Variants in PRKN observed in about 807,000 individuals in gnomAD.
The protein encoded by PRKN is E3 ubiquitin-protein ligase parkin.
In PRKN, 56 loss-of-function variants were observed where a neutral mutation model predicts 59.5. The ratio of observed to expected loss-of-function variants is 0.94; its 90% CI spans 0.76 to 1.18. PRKN has a LOEUF of 1.18. Among genes scored for constraint, PRKN ranks in the 50% most tolerant of loss-of-function variants. The pLI is 0.00. For synonymous variants in PRKN, 250 were observed against 222.1 expected, an observed-to-expected ratio of 1.13 and a Z score of -1.12; for missense variants, 657 against 596.4, an observed-to-expected ratio of 1.10 and a Z score of -1.06.
At chr6:162,599,094 T>C (rs980680661) in intron 1 of PRKN, among the ~76,000 whole-genome samples, 2 of 152,152 alleles carry the variant, frequency 1.3e-5, no homozygotes, top group African/African-American at 4.8e-5. Context: ...CCAGTTTCCA[T>C]TTCTGGACAT....
At chr6:161,606,743 A>T (rs1270595997) in intron 7 of PRKN, among the ~76,000 whole-genome samples, 2 of 152,202 alleles carry the variant, frequency 1.3e-5, no homozygotes, top group Non-Finnish European at 2.9e-5. Context: ...GGACTGGAGG[A>T]TCCAGGTCCC....
chr6:161,909,919 T>C (rs888823814), intron 6 of PRKN, among the ~76,000 whole-genome samples: 2 of 152,138 alleles, frequency 1.3e-5, no homozygotes, highest in African/African-American at 4.8e-5. Context: ...CTAGATGTCA[T>C]TAAGAACCTT....
Position 162,721,852 on chromosome 6 carries a change from C to T in PRKN, c.7+5810G>A, listed in dbSNP as rs148739600. 8.1e-3 allele frequency among the ~76,000 whole-genome samples: 1,230 copies of T among 152,174 alleles called. 60 individuals carry two copies. Among genetic ancestry groups the T allele is most frequent in the Admixed American group, 0.07 (1,074 of 15,282 alleles). ...TGGAAAATTTCACATAAAGTTGGTG[C>T]CATTGGAACTGGATCTTGAGTGATG... On this transcript the variant is annotated intron_variant, in intron 1 of 11. Coordinates refer to ENST00000366898, the MANE Select transcript of PRKN (RefSeq NM_004562.3).
At chr6:162,658,453 G>A (rs908094011) in intron 1 of PRKN, among the ~76,000 whole-genome samples, 1 of 152,096 alleles carries the variant, frequency 6.6e-6, no homozygotes, top group African/African-American at 2.4e-5. Context: ...CCTGAGGTAA[G>A]GAGTTCAAGA....
chr6:162,683,235 CTATT>C (rs954225413), intron 1 of PRKN, among the ~76,000 whole-genome samples: 1 of 152,092 alleles, frequency 6.6e-6, no homozygotes, highest in African/African-American at 2.4e-5. Context: ...CCACAGACGG[CTATT>C]TAAAGTAATT....
rs1786757868 is a variant in PRKN at position 161,396,320 on chromosome 6, C to A, written c.1084-9443G>T. Among the ~76,000 whole-genome samples, 1 of 152,122 alleles carries A rather than the reference C, an allele frequency of 6.6e-6. No homozygotes were observed. The highest frequency in any genetic ancestry group is 1.5e-5 in the Non-Finnish European group (1 of 68,036). On this transcript the variant is annotated intron_variant, in intron 9 of 11. Transcript: ENST00000366898. This position sits in a 1 kb window ranked among gnomAD's most constrained non-coding sequence, Gnocchi z 5.4. The stretch of plus-strand genomic sequence containing the variant: ...AATGATATGTTCACACCATCCTGTT[C>A]ATCTAAACAAACTTCTTGGCGGGCA...
rs943411286 is a variant in PRKN at position 161,473,604 on chromosome 6, T to C, written c.1083+75250A>G. ...GGAATTGTGGCAGAAAATGGGGAGA[T>C]ATGGGTCAAAGCATACAAAGTTACA... On this transcript the variant is annotated intron_variant, in intron 9 of 11. Transcript: ENST00000366898. This position sits in a 1 kb window ranked among gnomAD's most constrained non-coding sequence, Gnocchi z 4.1. 6.6e-6 allele frequency among the ~76,000 whole-genome samples: 1 copy of C among 151,598 alleles called. No individual in the cohort carries two copies. Among genetic ancestry groups the C allele is most frequent in the Non-Finnish European group, 1.5e-5 (1 of 67,944 alleles).
chr6:162,347,211 G>T (rs1014693437), intron 2 of PRKN, among the ~76,000 whole-genome samples: 1 of 146,420 alleles, frequency 6.8e-6, no homozygotes, highest in Non-Finnish European at 1.5e-5. Context: ...ATCTTATGTT[G>T]GATGCTTAGT....
At chr6:162,609,571 A>C (rs1442429955) in intron 1 of PRKN, among the ~76,000 whole-genome samples, 1 of 152,208 alleles carries the variant, frequency 6.6e-6, no homozygotes, top group East Asian at 1.9e-4. Context: ...CATTGGCCTC[A>C]AACTGCCTTT....
chr6:161,597,926 T>C (rs564649747), intron 7 of PRKN, among the ~76,000 whole-genome samples: 58 of 152,310 alleles, frequency 3.8e-4, no homozygotes, highest in African/African-American at 1.1e-3. Flanking sequence ...CCTACTTAAA[T>C]GCATGCACAA....
At position 161,795,228 on chromosome 6, in the gene PRKN, C is replaced by CT. The variant is rs58319044; in HGVS notation, c.735-9321dup. Among the ~76,000 whole-genome samples, 346 of 128,378 alleles carry CT rather than the reference C, an allele frequency of 2.7e-3. 19 individuals carry two copies. Among genetic ancestry groups the CT allele is most frequent in the Non-Finnish European group, 2.9e-3 (187 of 63,488 alleles). 84.2% of individuals were successfully genotyped at this position (128,378 alleles called of 152,430 possible). ...GTTATTTGTATTACTGTTTTCTTTT[C>CT]TTTTTTTTTTTTTTTCTTTTCTGAG... On this transcript the variant is annotated intron_variant, in intron 6 of 11. Transcript: ENST00000366898.
chr6:161,973,013 T>C (rs1354774895), intron 6 of PRKN, among the ~76,000 whole-genome samples: 1 of 152,228 alleles, frequency 6.6e-6, no homozygotes, highest in African/African-American at 2.4e-5. Flanking sequence ...TATTTTAATA[T>C]CAACTAAGAT....
chr6:162,438,172 TC>T (rs977764019), intron 2 of PRKN, among the ~76,000 whole-genome samples: 1 of 152,218 alleles, frequency 6.6e-6, no homozygotes, highest in Non-Finnish European at 1.5e-5. Flanking sequence ...CTTGTCATGC[TC>T]TACTGCAGTT....
chr6:162,297,122 G>C (rs1415603931), intron 2 of PRKN, among the ~76,000 whole-genome samples: 2 of 150,992 alleles, frequency 1.3e-5, no homozygotes, highest in African/African-American at 4.9e-5. Context: ...CTACATGTCA[G>C]TACAACAGGA....
chr6:161,816,639 T>C (rs1228434216), intron 6 of PRKN, among the ~76,000 whole-genome samples: 2 of 151,692 alleles, frequency 1.3e-5, no homozygotes, highest in African/African-American at 2.4e-5. Flanking sequence ...ACAAGAAGAA[T>C]GTGTTCACAC....
chr6:161,422,288 T>C (rs1413953507), intron 9 of PRKN, among the ~76,000 whole-genome samples: 1 of 150,680 alleles, frequency 6.6e-6, no homozygotes, highest in Non-Finnish European at 1.5e-5. Context: ...AACCTCTGCC[T>C]TCTGAGTTCA....
At position 161,921,408 on chromosome 6, in the gene PRKN, T is replaced by C. The variant is rs142710136; in HGVS notation, c.734+51894A>G. 2.5e-3 allele frequency among the ~76,000 whole-genome samples: 382 copies of C among 152,324 alleles called. 3 individuals are homozygous for C. The highest frequency in any genetic ancestry group is 8.8e-3 in the African/African-American group (365 of 41,570). ...GTAGGAGTATACTCTAAAATAGCAA[T>C]AAAAAGTATACAATATACATAAACC... On this transcript the variant is annotated intron_variant, in intron 6 of 11. Transcript: ENST00000366898.
intron 9 of PRKN, among the ~76,000 whole-genome samples, chr6:161,472,103 ATCT>A (rs925891921): frequency 1.5e-4 from 23 of 152,152 alleles, no homozygotes; most frequent in Admixed American, 1.2e-3. Flanking sequence ...AGAGTTGGTA[ATCT>A]TCTTCATGGC....
intron 9 of PRKN, among the ~76,000 whole-genome samples, chr6:161,427,707 C>T (rs974459805): frequency 6.6e-6 from 1 of 152,120 alleles, no homozygotes; most frequent in African/African-American, 2.4e-5. Flanking sequence ...ACATTTAGGC[C>T]TTTGCTGAGG....
Sources: gnomAD v4.1 joint callset for allele counts (sites outside exome capture counted in the v4.1 genomes callset) on GRCh38, gnomAD v4.1.1 for gene constraint, Gnocchi (gnomAD v3.1) non-coding constraint, MANE v1.5 for transcripts, NCBI Gene and HGNC (gene_info 2026-07-23, HGNC 2026-07-21) for gene names.